PRKAR1B: variants seen among roughly 807,000 people sequenced by gnomAD.
PRKAR1B encodes the protein protein kinase cAMP-dependent type I regulatory subunit beta, also known as cAMP-dependent protein kinase type I-beta regulatory subunit.
In PRKAR1B, 22 loss-of-function variants were observed where a neutral mutation model predicts 46.5. The ratio of observed to expected loss-of-function variants is 0.47; its 90% confidence interval spans 0.34 to 0.68. The LOEUF is 0.68. PRKAR1B is among the 30% of genes least tolerant of loss of function. The pLI is 0.01. For missense variants in PRKAR1B, 445 were observed against 535.6 expected (o/e 0.83, Z 1.67); for synonymous variants, 259 against 217.7 (o/e 1.19, Z -1.67).
intron 1 of PRKAR1B, among the ~76,000 whole-genome samples, chr7:718,255 T>TACATAC (rs1780948055): frequency 7.1e-6 from 1 of 139,992 alleles, no homozygotes; most frequent in Non-Finnish European, 1.5e-5. Context: ...GCTTTATAGA[T>TACATAC]ACACACACAC....
intron 9 of PRKAR1B, among the ~76,000 whole-genome samples, chr7:562,605 C>T (rs1778872448): frequency 6.6e-6 from 1 of 152,214 alleles, no homozygotes; most frequent in African/African-American, 2.4e-5. Flanking sequence ...CCTCCAGGGC[C>T]TCTCACACCC....
chr7:594,333 C>T (rs1192001953), intron 7 of PRKAR1B, among the ~76,000 whole-genome samples: 1 of 152,138 alleles, frequency 6.6e-6, no homozygotes, highest in Non-Finnish European at 1.5e-5. Context: ...CCCGGCAACA[C>T]CCACCTGGCT....
chr7:627,000 G>C (rs543737950), intron 4 of PRKAR1B, among the ~76,000 whole-genome samples: 1 of 152,024 alleles, frequency 6.6e-6, no homozygotes, highest in East Asian at 1.9e-4. Context: ...TCAGCCTCCC[G>C]AATAGCTGGG....
Position 550,481 on chromosome 7 carries a change from G to A in PRKAR1B, c.1095C>T (p.Ile365=), listed in dbSNP as rs752059939. The A allele has an allele frequency of 1.3e-6, 2 of 1,598,490 alleles. No homozygotes were observed. Among genetic ancestry groups the A allele is most frequent in the Admixed American group, 1.7e-5 (1 of 58,040 alleles). The change falls in exon 11 of 11, where the codon ATC becomes ATT. Residue 365 remains isoleucine (I), a synonymous_variant. Coordinates refer to ENST00000537384, the MANE Select transcript of PRKAR1B (RefSeq NM_001164760.2). ...TGTAACGCTGAATGTTCCTCTTGAG[G>A]ATCTCAGAGCAGGGCCCCAGCACAC... ...FERVLGPCSE[I]LKRNIQRYNS... is the part of the protein sequence containing the mutation.
chr7:611,886 G>T (rs1782516279), intron 4 of PRKAR1B, among the ~76,000 whole-genome samples: 1 of 151,894 alleles, frequency 6.6e-6, no homozygotes, highest in African/African-American at 2.4e-5. Flanking sequence ...TGGACAGGTG[G>T]GTGGATGAAC....
At chr7:658,643 A>ATGTTTTT (rs1339851345) in intron 4 of PRKAR1B, among the ~76,000 whole-genome samples, 1 of 151,944 alleles carries the variant, frequency 6.6e-6, no homozygotes, top group East Asian at 1.9e-4. Flanking sequence ...CCACGATAAA[A>ATGTTTTT]TGTTTTTTGT....
chr7:616,008 AAG>A (rs112413656), intron 4 of PRKAR1B, among the ~76,000 whole-genome samples: 45 of 149,332 alleles, frequency 3.0e-4, no homozygotes, highest in South Asian at 6.4e-4. Flanking sequence ...AAAAGGAAGA[AAG>A]AGAGAGAGAG....
intron 2 of PRKAR1B, among the ~76,000 whole-genome samples, chr7:701,397 T>C (rs981804496): frequency 1.3e-5 from 2 of 152,036 alleles, no homozygotes; most frequent in Non-Finnish European, 2.9e-5. Flanking sequence ...GGAAAATATT[T>C]TAAAATCTAA....
At chr7:709,371 C>CTT (rs71016898) in intron 2 of PRKAR1B, among the ~76,000 whole-genome samples, 15 of 95,644 alleles carry the variant, frequency 1.6e-4, no homozygotes, top group East Asian at 3.0e-4. Context: ...GTATGTATTT[C>CTT]TTTTTTTTTT....
intron 5 of PRKAR1B, among the ~76,000 whole-genome samples, chr7:606,985 A>G (rs574743708): frequency 1.3e-5 from 2 of 152,018 alleles, no homozygotes; most frequent in Non-Finnish European, 2.9e-5. Flanking sequence ...ATATGTGTGT[A>G]TGTATGTACA....
rs148125265 is a variant in PRKAR1B at position 563,436 on chromosome 7, C to T, written c.892-11966G>A. On this transcript the variant is annotated intron_variant, in intron 9 of 10. Coordinates refer to ENST00000537384, the MANE Select transcript of PRKAR1B (RefSeq NM_001164760.2). ...GGCTGTGCACTGTCCACTCAGCAGG[C>T]GTCCAACAGCCCCCCGGCTTGGGTG... is the stretch of plus-strand genomic sequence containing the variant. Among the ~76,000 whole-genome samples the T allele has an allele frequency of 5.9e-4, 90 of 152,394 alleles. 1 individual carries two copies. Among genetic ancestry groups the T allele is most frequent in the East Asian group, 3.3e-3 (17 of 5,190 alleles).
intron 1 of PRKAR1B, among the ~76,000 whole-genome samples, chr7:723,651 C>A (rs1167023615): frequency 6.6e-6 from 1 of 152,244 alleles, no homozygotes; most frequent in Non-Finnish European, 1.5e-5. Flanking sequence ...CCCGACCAAT[C>A]CGTTCAACGG....
At chr7:717,435 T>C (rs1780920825) in intron 1 of PRKAR1B, among the ~76,000 whole-genome samples, 1 of 151,874 alleles carries the variant, frequency 6.6e-6, no homozygotes. Context: ...AAGAGGAGGA[T>C]CACTTGAGTC....
chr7:620,290 C>T (rs186827123), intron 4 of PRKAR1B, among the ~76,000 whole-genome samples: 1 of 152,216 alleles, frequency 6.6e-6, no homozygotes, highest in African/African-American at 2.4e-5. Context: ...AGAATACAGA[C>T]CGCCTCTCCC....
At chr7:576,175 G>A (rs946244674) in intron 9 of PRKAR1B, among the ~76,000 whole-genome samples, 9 of 149,336 alleles carry the variant, frequency 6.0e-5, no homozygotes, top group Admixed American at 3.3e-4. Flanking sequence ...GGGCGTGCAC[G>A]CTGGCATCCT....
intron 5 of PRKAR1B, among the ~76,000 whole-genome samples, chr7:606,943 C>T (rs780816925): frequency 3.9e-5 from 6 of 151,910 alleles, no homozygotes; most frequent in Non-Finnish European, 7.4e-5. Context: ...TGCACATATA[C>T]GTGCATATAT....
intron 1 of PRKAR1B, chr7:726,953 T>C: frequency 7.5e-7 from 1 of 1,327,824 alleles, no homozygotes; most frequent in Non-Finnish European, 9.7e-7. Flanking sequence ...CGCCTACTGC[T>C]GCCGCGCTTG....
chr7:698,823 C>T (rs775692502), intron 2 of PRKAR1B, among the ~76,000 whole-genome samples: 5 of 152,100 alleles, frequency 3.3e-5, no homozygotes, highest in Admixed American at 1.3e-4. Flanking sequence ...TGCATCTGGG[C>T]GAGTGTGTGT....
chr7:626,024 A>AAG (rs1204322655), intron 4 of PRKAR1B, among the ~76,000 whole-genome samples: 1 of 149,474 alleles, frequency 6.7e-6, no homozygotes, highest in African/African-American at 2.5e-5. Flanking sequence ...AAAAAAAAAA[A>AAG]AAAGAAAGAA....
Sources: allele counts gnomAD v4.1 joint callset (sites outside exome capture counted in the v4.1 genomes callset), GRCh38; gene constraint gnomAD v4.1.1; transcripts MANE v1.5; gene names NCBI Gene and HGNC (gene_info 2026-07-23, HGNC 2026-07-21).